HERC3: variants seen among roughly 807,000 people sequenced by gnomAD.
HERC3 encodes the protein HECT and RLD domain containing E3 ubiquitin protein ligase 3.
Under a neutral mutation model 129.9 loss-of-function variants are expected in HERC3, and 58 were observed. The ratio of observed to expected loss-of-function variants is 0.45; its 90% CI spans 0.36 to 0.56. HERC3 has a LOEUF of 0.56. Among genes scored for constraint, HERC3 ranks in the 20% least tolerant of loss-of-function variants. The pLI is 0.00. For synonymous variants in HERC3, 430 were observed against 451.0 expected (o/e 0.95, Z 0.59); for missense variants, 835 against 1,244.2 (o/e 0.67, Z 4.95).
intron 3 of HERC3, among the ~76,000 whole-genome samples, chr4:88,612,062 C>T (rs1327030935): frequency 2.0e-5 from 3 of 152,296 alleles, no homozygotes; most frequent in African/African-American, 7.2e-5. Flanking sequence ...CTAACTGGTT[C>T]AGCTGCAAGG....
At chr4:88,621,874 A>G (rs189515393) in intron 3 of HERC3, among the ~76,000 whole-genome samples, 1 of 152,334 alleles carries the variant, frequency 6.6e-6, no homozygotes, top group African/African-American at 2.4e-5. Context: ...ATTAGAAGCA[A>G]TGTGACTATA....
chr4:88,548,729 C>T, the HERC3 span, among the ~76,000 whole-genome samples: 7 of 151,086 alleles, frequency 4.6e-5, no homozygotes, highest in East Asian at 1.9e-4. Flanking sequence ...GGCACCATCT[C>T]GGCTCATGGC....
chr4:88,551,716 G>T, the HERC3 span, among the ~76,000 whole-genome samples: 1 of 152,228 alleles, frequency 6.6e-6, no homozygotes, highest in Non-Finnish European at 1.5e-5. Context: ...CCTTGTGGAA[G>T]TCAGTGTGGC....
the HERC3 span, among the ~76,000 whole-genome samples, chr4:88,568,654 C>T: frequency 6.6e-6 from 1 of 152,042 alleles, no homozygotes; most frequent in Non-Finnish European, 1.5e-5. Flanking sequence ...TATTCAAGGA[C>T]CAAGGGCTCT....
At chr4:88,536,942 C>T in the HERC3 span, among the ~76,000 whole-genome samples, 13 of 152,166 alleles carry the variant, frequency 8.5e-5, no homozygotes, top group East Asian at 1.5e-3. Flanking sequence ...TATAAAAATA[C>T]GACCAAGAAT....
Position 88,606,286 on chromosome 4 carries a change from C to CCGT in HERC3, c.226+240_226+242dup, listed in dbSNP as rs1303663115. Among the ~76,000 whole-genome samples, 3 of 149,458 alleles carry CCGT rather than the reference C, an allele frequency of 2.0e-5. No homozygotes were observed. The East Asian group carries it at 5.9e-4, about 29-fold the overall frequency. On this transcript the variant is annotated intron_variant, in intron 3 of 25. Coordinates refer to ENST00000402738, the MANE Select transcript of HERC3 (RefSeq NM_014606.3). ...TTTTTTTTTGAGATATGGTCTCGCT[C>CCGT]CGTCGCCCAGGCTTGAGTGCAGTGG...
chr4:88,598,185 A>G (rs1321046374), intron 2 of HERC3: 3 of 152,194 alleles, frequency 2.0e-5, no homozygotes, highest in African/African-American at 7.2e-5. Flanking sequence ...GTGCCTTTCA[A>G]ACAAAGGGAT....
At chr4:88,690,794 T>C (rs927744397) in intron 23 of HERC3, 42 of 163,816 alleles carry the variant, frequency 2.6e-4, no homozygotes, top group Non-Finnish European at 3.9e-4. Context: ...TCCATTTCTC[T>C]CTCCCTGTCA....
chr4:88,689,175 A>G (rs1327771042), intron 23 of HERC3, among the ~76,000 whole-genome samples: 2 of 152,106 alleles, frequency 1.3e-5, no homozygotes, highest in East Asian at 3.8e-4. Context: ...TATCCAAGTG[A>G]TCTATCTTGA....
chr4:88,661,588 A>G (rs1387988700), intron 10 of HERC3, among the ~76,000 whole-genome samples: 1 of 152,212 alleles, frequency 6.6e-6, no homozygotes, highest in African/African-American at 2.4e-5. Context: ...TTAGTTCTCG[A>G]TCAAGAACAA....
the HERC3 span, among the ~76,000 whole-genome samples, chr4:88,569,742 T>C: frequency 3.0e-4 from 46 of 152,342 alleles, no homozygotes; most frequent in Non-Finnish European, 5.9e-4. Flanking sequence ...CAGCTTTCCC[T>C]TCCCTAAGGA....
chr4:88,697,652 C>T (rs1295548944), intron 23 of HERC3: 5 of 1,613,324 alleles, frequency 3.1e-6, no homozygotes, highest in Non-Finnish European at 4.2e-6. Flanking sequence ...TCACAGTCTC[C>T]ACCCTGCGCA....
At chr4:88,549,036 G>T in the HERC3 span, among the ~76,000 whole-genome samples, 1 of 151,992 alleles carries the variant, frequency 6.6e-6, no homozygotes, top group Non-Finnish European at 1.5e-5. Flanking sequence ...TGTGCTTTTG[G>T]TGTCATATCT....
chr4:88,702,623 C>T (rs1479291001), intron 23 of HERC3, among the ~76,000 whole-genome samples: 1 of 152,098 alleles, frequency 6.6e-6, no homozygotes, highest in Non-Finnish European at 1.5e-5. Flanking sequence ...TTTCCTTGTC[C>T]ATGTTCATAT....
chr4:88,655,550 G>C (rs1418723699), intron 8 of HERC3, among the ~76,000 whole-genome samples: 1 of 152,152 alleles, frequency 6.6e-6, no homozygotes, highest in African/African-American at 2.4e-5. Context: ...TGTGGGGAAG[G>C]GATAAAGAAA....
intron 3 of HERC3, among the ~76,000 whole-genome samples, chr4:88,619,821 C>T (rs1725320538): frequency 6.6e-6 from 1 of 152,096 alleles, no homozygotes; most frequent in African/African-American, 2.4e-5. Flanking sequence ...TGCAAATGGC[C>T]AGTGAATTTA....
intron 3 of HERC3, among the ~76,000 whole-genome samples, chr4:88,627,986 A>G (rs1726315558): frequency 1.3e-5 from 2 of 152,050 alleles, no homozygotes; most frequent in African/African-American, 4.8e-5. Context: ...TGAATGTTCT[A>G]AGTGCATCAA....
intron 3 of HERC3, among the ~76,000 whole-genome samples, chr4:88,627,916 AAAAAAAAAAG>A (rs1439307177): frequency 3.8e-4 from 58 of 151,966 alleles, no homozygotes; most frequent in African/African-American, 1.2e-3. Context: ...AAAAAAAAAA[AAAAAAAAAAG>A]AAAACTTATC....
chr4:88,527,286 C>T, the HERC3 span: 1 of 148,544 alleles, frequency 6.7e-6, no homozygotes, highest in Non-Finnish European at 1.5e-5. Flanking sequence ...GGATCTTGCT[C>T]TATCTCCCAG....
Sources: gnomAD v4.1 joint callset for allele counts (sites outside exome capture counted in the v4.1 genomes callset) on GRCh38, gnomAD v4.1.1 for gene constraint, MANE v1.5 for transcripts, NCBI Gene and HGNC (gene_info 2026-07-23, HGNC 2026-07-21) for gene names.